The following BBS9 variants were observed in gnomAD, a reference collection of about 807,000 sequenced individuals.
The protein encoded by BBS9 is protein PTHB1.
BBS9 carries 89 observed loss-of-function variants against 117.7 expected under a neutral mutation model. The observed-to-expected ratio is 0.76, with a 90% CI of 0.64 to 0.90. BBS9 has a LOEUF of 0.90. BBS9 is among the 40% of genes least tolerant of loss of function. The probability of loss-of-function intolerance (pLI) is 0.00; values close to 1 mark genes in which losing one functional copy is unlikely to be tolerated. For missense variants in BBS9, 982 were observed against 1,042.2 expected, an observed-to-expected ratio of 0.94 and a Z score of 0.80; for synonymous variants, 379 against 370.9, an observed-to-expected ratio of 1.02 and a Z score of -0.25.
At chr7:33,302,607 G>A (rs984198032) in intron 9 of BBS9, among the ~76,000 whole-genome samples, 2 of 152,048 alleles carry the variant, frequency 1.3e-5, no homozygotes, top group Admixed American at 1.3e-4. Flanking sequence ...ATTTGTTTCT[G>A]GGTTCTCTCT....
intron 21 of BBS9, among the ~76,000 whole-genome samples, chr7:33,559,665 T>C (rs1045972686): frequency 5.3e-5 from 8 of 152,172 alleles, no homozygotes; most frequent in Admixed American, 1.3e-4. Context: ...ACTTATATTA[T>C]GCAACCCCTA....
intron 21 of BBS9, among the ~76,000 whole-genome samples, chr7:33,589,102 A>C (rs995300767): frequency 1.3e-5 from 2 of 152,128 alleles, no homozygotes; most frequent in Admixed American, 6.6e-5. Flanking sequence ...TTTAAGGGTT[A>C]CTCAGAGAAG....
rs1374339093 is a variant in BBS9 at position 33,348,185 on chromosome 7, C to T, written c.1330-883C>T. 4.6e-5 allele frequency among the ~76,000 whole-genome samples: 7 copies of T among 152,120 alleles called. No homozygotes were observed. The East Asian group carries it at 1.3e-3, about 29-fold the overall frequency. ...CTCTCATCCCTAAGCAACTCCTAAT[C>T]TACTTTATTTCTCTATAGATTGCCT... is the stretch of plus-strand genomic sequence containing the variant. On this transcript the variant is annotated intron_variant, in intron 12 of 22. Coordinates refer to ENST00000242067, the MANE Select transcript of BBS9 (RefSeq NM_198428.3).
intron 18 of BBS9, 64 bp from the exon 19 acceptor site, chr7:33,387,928 A>G (rs1390578026): frequency 7.8e-6 from 12 of 1,537,000 alleles, no homozygotes; most frequent in Non-Finnish European, 1.1e-5. Context: ...CATTGTGTGT[A>G]TTTTTTCTTT....
intron 5 of BBS9, among the ~76,000 whole-genome samples, chr7:33,220,948 T>C (rs111237680): frequency 2.0e-5 from 3 of 152,368 alleles, no homozygotes; most frequent in East Asian, 3.9e-4. Context: ...ATTAAAGCCA[T>C]GTACCTTCTC....
At chr7:33,571,181 A>G (rs1444776922) in intron 21 of BBS9, among the ~76,000 whole-genome samples, 2 of 152,180 alleles carry the variant, frequency 1.3e-5, no homozygotes, top group East Asian at 3.8e-4. Flanking sequence ...TTAAAACAAA[A>G]AAGTTTATAA....
At chr7:33,185,507 CA>C (rs1300189032) in intron 5 of BBS9, among the ~76,000 whole-genome samples, 10 of 151,990 alleles carry the variant, frequency 6.6e-5, no homozygotes, top group African/African-American at 2.4e-4. Flanking sequence ...GTATAAATTG[CA>C]AAAAGTTCAG....
At chr7:33,221,973 T>G (rs1007569866) in intron 5 of BBS9, among the ~76,000 whole-genome samples, 1 of 152,146 alleles carries the variant, frequency 6.6e-6, no homozygotes, top group Non-Finnish European at 1.5e-5. Context: ...GTATAAGAAC[T>G]TTAATCCTAA....
Position 33,605,381 on chromosome 7 carries a change from T to C in BBS9, c.*155T>C. ...GCATAGAAAGAGGGGTTGGGACTTT[T>C]TACTTCACTAGGAGAACTTGTAACA... On this transcript the variant is annotated 3_prime_UTR_variant, in exon 23 of 23. Coordinates refer to ENST00000242067, the MANE Select transcript of BBS9 (RefSeq NM_198428.3). 1.3e-6 allele frequency: 1 copy of C among 778,434 alleles called. No individual in the cohort carries two copies. The allele number at this position is 778,434 out of a possible 1,614,324, so 48.2% of individuals were successfully genotyped here.
downstream of BBS9, among the ~76,000 whole-genome samples, chr7:33,609,733 A>G (rs538995935): frequency 7.9e-5 from 12 of 152,192 alleles, no homozygotes; most frequent in African/African-American, 2.6e-4. Flanking sequence ...TGCATAGAAC[A>G]TGCTTATTTA....
At chr7:33,477,937 GT>G in intron 19 of BBS9, among the ~76,000 whole-genome samples, 1 of 152,220 alleles carries the variant, frequency 6.6e-6, no homozygotes, top group South Asian at 2.1e-4. Flanking sequence ...TGTTTGTTGG[GT>G]TTTTTGGAAG....
At chr7:33,278,771 C>G (rs1350205872) in intron 9 of BBS9, among the ~76,000 whole-genome samples, 2 of 152,186 alleles carry the variant, frequency 1.3e-5, no homozygotes, top group Non-Finnish European at 2.9e-5. Context: ...GAGCTCACCT[C>G]TAGGTCTGTT....
chr7:33,223,376 A>G (rs1790638232), intron 5 of BBS9, among the ~76,000 whole-genome samples: 1 of 152,198 alleles, frequency 6.6e-6, no homozygotes, highest in Non-Finnish European at 1.5e-5. Flanking sequence ...TCTTGTCACC[A>G]TGCTGTACAG....
At chr7:33,222,584 A>G (rs1370661269) in intron 5 of BBS9, among the ~76,000 whole-genome samples, 1 of 151,814 alleles carries the variant, frequency 6.6e-6, no homozygotes, top group Non-Finnish European at 1.5e-5. Flanking sequence ...TTCTCCTTCT[A>G]TTCTCCATTT....
intron 9 of BBS9, among the ~76,000 whole-genome samples, chr7:33,282,906 A>C (rs1413344597): frequency 6.6e-6 from 1 of 152,318 alleles, no homozygotes; most frequent in East Asian, 1.9e-4. Context: ...GTGAAACATA[A>C]GGAAAATAGC....
rs760353562 is a variant in BBS9, at chr7:33,177,538, A to G, written c.389A>G (p.Asn130Ser). The G allele has an allele frequency of 1.9e-6, 3 of 1,613,742 alleles. No homozygotes were observed. Among genetic ancestry groups the G allele is most frequent in the South Asian group, 1.1e-5 (1 of 91,068 alleles). ...CAGATGAAATTGATGTATGAACATA[A>G]TCTTCAGAGAACAGCCTGCAATATG... The part of the protein sequence containing the change: ...QCQMKLMYEH[N>S]LQRTACNMTY... The change falls in exon 5 of 23, where the codon AAT becomes AGT. Residue 130 changes from asparagine (N) to serine (S), a missense_variant. Coordinates refer to ENST00000242067, the MANE Select transcript of BBS9 (RefSeq NM_198428.3).
intron 19 of BBS9, among the ~76,000 whole-genome samples, chr7:33,415,342 T>G (rs182094615): frequency 6.6e-6 from 1 of 152,144 alleles, no homozygotes; most frequent in East Asian, 1.9e-4. Context: ...AAAGCATGTA[T>G]AAGAGAAGAT....
intron 17 of BBS9, among the ~76,000 whole-genome samples, chr7:33,382,918 T>C (rs554096168): frequency 1.3e-5 from 2 of 152,292 alleles, no homozygotes; most frequent in Admixed American, 1.3e-4. Flanking sequence ...TCTCTGTGCT[T>C]TATTTTCCTT....
chr7:33,456,615 TC>T (rs1431785137), intron 19 of BBS9, among the ~76,000 whole-genome samples: 3 of 152,200 alleles, frequency 2.0e-5, no homozygotes, highest in African/African-American at 7.2e-5. Context: ...TTTTCCCCTC[TC>T]CCCTAAGTAT....
Sources: allele counts gnomAD v4.1 joint callset (sites outside exome capture counted in the v4.1 genomes callset), GRCh38; gene constraint gnomAD v4.1.1; transcripts MANE v1.5; gene names NCBI Gene and HGNC (gene_info 2026-07-23, HGNC 2026-07-21).